Variants in UNC13C observed in about 807,000 individuals in gnomAD.
The protein encoded by UNC13C is protein unc-13 homolog C.
A neutral mutation model predicts 245.4 loss-of-function variants in UNC13C; 174 were observed. The observed-to-expected ratio is 0.71, with a 90% CI of 0.63 to 0.80. The LOEUF is 0.80. UNC13C is among the 30% of genes least tolerant of loss of function. UNC13C has a pLI of 0.00. For synonymous variants in UNC13C, 992 were observed against 895.1 expected (o/e 1.11, Z -1.93); for missense variants, 2,829 against 2,602.9 (o/e 1.09, Z -1.89).
intron 4 of UNC13C, among the ~76,000 whole-genome samples, chr15:54,154,149 A>C (rs2032642539): frequency 6.6e-6 from 1 of 151,882 alleles, no homozygotes; most frequent in African/African-American, 2.4e-5. Context: ...TCCCCTATCT[A>C]ACTATATTTT....
chr15:53,913,513 C>G, the UNC13C span: 2 of 152,260 alleles, frequency 1.3e-5, no homozygotes. Context: ...TACTGCCCTT[C>G]AGGCTCATAA....
intron 17 of UNC13C, among the ~76,000 whole-genome samples, chr15:54,364,133 G>C (rs928746332): frequency 1.3e-5 from 2 of 152,054 alleles, no homozygotes; most frequent in Non-Finnish European, 2.9e-5. Flanking sequence ...TTGCTTAACA[G>C]ATGCTATATG....
At chr15:54,557,189 C>G (rs1328751287) in intron 29 of UNC13C, among the ~76,000 whole-genome samples, 1 of 151,964 alleles carries the variant, frequency 6.6e-6, no homozygotes, top group Non-Finnish European at 1.5e-5. Context: ...TGCCATTTGT[C>G]TTGTTTCTCC....
the UNC13C span, among the ~76,000 whole-genome samples, chr15:53,847,922 T>A: frequency 6.6e-6 from 1 of 152,162 alleles, no homozygotes; most frequent in Non-Finnish European, 1.5e-5. Context: ...CTTAAGCCAA[T>A]CAAAATACTT....
intron 19 of UNC13C, among the ~76,000 whole-genome samples, chr15:54,451,205 G>T (rs1029789085): frequency 4.6e-5 from 7 of 151,696 alleles, no homozygotes; most frequent in African/African-American, 1.7e-4. Flanking sequence ...TAGTGATGAG[G>T]AATTACCTCA....
chr15:54,381,612 T>C (rs1175185267), intron 17 of UNC13C, among the ~76,000 whole-genome samples: 2 of 152,194 alleles, frequency 1.3e-5, no homozygotes, highest in African/African-American at 4.8e-5. Context: ...TTCATTTGTG[T>C]CTTTTTAAAT....
chr15:54,329,695 C>T (rs1245716562), intron 14 of UNC13C, among the ~76,000 whole-genome samples: 2 of 151,982 alleles, frequency 1.3e-5, no homozygotes, highest in African/African-American at 4.8e-5. Context: ...AAAATTCAAT[C>T]AGCAGCATAC....
At chr15:54,570,977 G>T (rs1382583053) in intron 30 of UNC13C, among the ~76,000 whole-genome samples, 1 of 152,150 alleles carries the variant, frequency 6.6e-6, no homozygotes, top group Admixed American at 6.5e-5. Context: ...ATTTGACACT[G>T]GACATGCTGA....
intron 4 of UNC13C, among the ~76,000 whole-genome samples, chr15:54,227,561 G>C (rs1010693235): frequency 2.0e-5 from 3 of 152,180 alleles, no homozygotes; most frequent in Non-Finnish European, 4.4e-5. Flanking sequence ...GGGGCAGGGG[G>C]GTAGTGTGTC....
At chr15:54,405,596 GA>G (rs1236967598) in intron 18 of UNC13C, among the ~76,000 whole-genome samples, 1 of 152,032 alleles carries the variant, frequency 6.6e-6, no homozygotes, top group Non-Finnish European at 1.5e-5. Context: ...TAGACATGGT[GA>G]AAAAACACTA....
rs562513923 is a variant in UNC13C, at chr15:54,370,526, T to C, written c.4714-22522T>C. On this transcript the variant is annotated intron_variant, in intron 17 of 32. Coordinates refer to ENST00000260323, the MANE Select transcript of UNC13C (RefSeq NM_001080534.3). ...GAGCAATCTGACAGTTATATCATGA[T>C]ACGATCATGTCTGCCACTGCTTCAG... 4.6e-5 allele frequency among the ~76,000 whole-genome samples: 7 copies of C among 152,326 alleles called. No individual in the cohort carries two copies. In the South Asian group the frequency reaches 1.2e-3, roughly 27 times the overall value.
At chr15:54,419,783 A>G (rs1251072449) in intron 19 of UNC13C, among the ~76,000 whole-genome samples, 1 of 152,026 alleles carries the variant, frequency 6.6e-6, no homozygotes, top group Non-Finnish European at 1.5e-5. Context: ...GCTTTCTCAC[A>G]TTTTTTTGTT....
chr15:54,617,251 T>C (rs1340351925), intron 30 of UNC13C, among the ~76,000 whole-genome samples: 1 of 152,110 alleles, frequency 6.6e-6, no homozygotes, highest in Admixed American at 6.6e-5. Flanking sequence ...AATTTTTTAA[T>C]CTTTTGTTTC....
At chr15:54,038,592 T>A (rs1254329072) in intron 2 of UNC13C, among the ~76,000 whole-genome samples, 1 of 152,192 alleles carries the variant, frequency 6.6e-6, no homozygotes, top group Non-Finnish European at 1.5e-5. Context: ...AATATTTAGT[T>A]TTCTTTATGA....
the UNC13C span, among the ~76,000 whole-genome samples, chr15:53,851,536 C>G: frequency 6.6e-6 from 1 of 152,178 alleles, no homozygotes; most frequent in Non-Finnish European, 1.5e-5. Context: ...CTCTCTTTCT[C>G]TCTCTGTGTC....
At chr15:54,409,330 C>T (rs1389750793) in intron 18 of UNC13C, among the ~76,000 whole-genome samples, 1 of 150,796 alleles carries the variant, frequency 6.6e-6, no homozygotes, top group East Asian at 1.9e-4. Context: ...ATATATTTTT[C>T]CAGTTTGTTG....
intron 4 of UNC13C, among the ~76,000 whole-genome samples, chr15:54,158,899 C>T (rs991847022): frequency 2.6e-5 from 4 of 152,148 alleles, no homozygotes; most frequent in Non-Finnish European, 5.9e-5. Flanking sequence ...GTAATCCTCC[C>T]GCCTGGCCCC....
chr15:54,152,477 G>T (rs2032563594), intron 4 of UNC13C, among the ~76,000 whole-genome samples: 1 of 152,040 alleles, frequency 6.6e-6, no homozygotes, highest in Admixed American at 6.6e-5. Flanking sequence ...TAAGTCTCTA[G>T]GGCTTAAATT....
chr15:54,127,033 A>G (rs1030564469), intron 2 of UNC13C, among the ~76,000 whole-genome samples: 2 of 152,206 alleles, frequency 1.3e-5, no homozygotes, highest in Non-Finnish European at 2.9e-5. Context: ...TAGAATGGCG[A>G]TCATTAAAAA....
Sources: gnomAD v4.1 joint callset for allele counts (sites outside exome capture counted in the v4.1 genomes callset) on GRCh38, gnomAD v4.1.1 for gene constraint, MANE v1.5 for transcripts, NCBI Gene and HGNC (gene_info 2026-07-23, HGNC 2026-07-21) for gene names.